Variants in RNGTT observed in about 807,000 individuals in gnomAD.
RNGTT encodes RNA guanylyltransferase and 5'-phosphatase, also known as mRNA-capping enzyme.
A neutral mutation model predicts 79.3 loss-of-function variants in RNGTT; 33 were observed. The observed-to-expected ratio is 0.42, with a 90% CI of 0.32 to 0.56. RNGTT has a LOEUF of 0.56. Ranked by LOEUF, RNGTT falls within the 20% of genes least tolerant of loss-of-function variation. The probability of loss-of-function intolerance (pLI) is 0.17; values close to 1 mark genes in which losing one functional copy is unlikely to be tolerated. For missense variants in RNGTT, 497 were observed against 739.1 expected, an observed-to-expected ratio of 0.67 and a Z score of 3.80; for synonymous variants, 222 against 235.9, an observed-to-expected ratio of 0.94 and a Z score of 0.54.
intron 4 of RNGTT, among the ~76,000 whole-genome samples, chr6:88,927,279 T>C (rs376482857): frequency 1.3e-5 from 2 of 152,110 alleles, no homozygotes; most frequent in African/African-American, 4.8e-5. Flanking sequence ...TCCCAGCACT[T>C]TGGGAGGCCG....
chr6:88,828,786 C>G (rs893178614), intron 11 of RNGTT, among the ~76,000 whole-genome samples: 10 of 151,586 alleles, frequency 6.6e-5, no homozygotes, highest in African/African-American at 2.4e-4. Context: ...GAAAGGATAT[C>G]AGAGATTGAA....
intron 12 of RNGTT, among the ~76,000 whole-genome samples, chr6:88,787,777 G>A (rs1779280540): frequency 6.6e-6 from 1 of 152,068 alleles, no homozygotes; most frequent in Non-Finnish European, 1.5e-5. Flanking sequence ...ATGACAAACT[G>A]GATTAGAGTA....
At chr6:88,801,462 T>C in intron 12 of RNGTT, 102 bp downstream of exon 12, 1 of 804,394 alleles carries the variant, frequency 1.2e-6, no homozygotes, top group Non-Finnish European at 2.0e-6. Flanking sequence ...CCCAAGTAAA[T>C]AAGTTTGAGG....
At chr6:88,650,203 C>G (rs993238143) in intron 14 of RNGTT, among the ~76,000 whole-genome samples, 5 of 152,166 alleles carry the variant, frequency 3.3e-5, no homozygotes, top group African/African-American at 4.8e-5. Flanking sequence ...GGCTATTCCT[C>G]TCTGCATATC....
At chr6:88,699,652 A>C (rs1775878460) in intron 13 of RNGTT, among the ~76,000 whole-genome samples, 1 of 152,198 alleles carries the variant, frequency 6.6e-6, no homozygotes, top group Non-Finnish European at 1.5e-5. Context: ...GCAACAGAGC[A>C]AGGCCCTGTC....
intron 11 of RNGTT, among the ~76,000 whole-genome samples, chr6:88,835,752 G>A (rs542075263): frequency 2.0e-5 from 3 of 152,016 alleles, no homozygotes; most frequent in Non-Finnish European, 2.9e-5. Context: ...GAAAAACATC[G>A]TATAAAAACA....
At chr6:88,893,233 T>C (rs966968472) in intron 6 of RNGTT, among the ~76,000 whole-genome samples, 2 of 152,234 alleles carry the variant, frequency 1.3e-5, no homozygotes, top group East Asian at 1.9e-4. Context: ...TTGTTTCTTA[T>C]GCTAATTAAA....
chr6:88,870,681 A>C (rs984181584), intron 8 of RNGTT, among the ~76,000 whole-genome samples: 5 of 152,174 alleles, frequency 3.3e-5, no homozygotes, highest in African/African-American at 1.2e-4. Flanking sequence ...ATGGCACTTT[A>C]AGGTCATTTG....
At chr6:88,772,853 C>T (rs1426119742) in intron 12 of RNGTT, among the ~76,000 whole-genome samples, 3 of 152,078 alleles carry the variant, frequency 2.0e-5, no homozygotes, top group African/African-American at 4.8e-5. Context: ...AAAATAGGAA[C>T]ACTTTTACAC....
At chr6:88,634,713 C>T (rs990990749) in intron 14 of RNGTT, among the ~76,000 whole-genome samples, 1 of 151,234 alleles carries the variant, frequency 6.6e-6, no homozygotes, top group East Asian at 1.9e-4. Flanking sequence ...AGTACTACAA[C>T]GAAAGAATCT....
intron 11 of RNGTT, among the ~76,000 whole-genome samples, chr6:88,840,151 T>G (rs1246212164): frequency 3.3e-5 from 5 of 152,216 alleles, no homozygotes; most frequent in Non-Finnish European, 5.9e-5. Flanking sequence ...GTAATATCAC[T>G]ATTTTACCAT....
At chr6:88,955,109 A>G (rs1785383045) in intron 1 of RNGTT, among the ~76,000 whole-genome samples, 1 of 152,142 alleles carries the variant, frequency 6.6e-6, no homozygotes, top group South Asian at 2.1e-4. Flanking sequence ...TGGAAATTAA[A>G]ATTTCTGCTC....
At chr6:88,718,225 A>G (rs1776587647) in intron 13 of RNGTT, among the ~76,000 whole-genome samples, 1 of 152,016 alleles carries the variant, frequency 6.6e-6, no homozygotes, top group Non-Finnish European at 1.5e-5. Context: ...CATCTCTACT[A>G]AAAACACAAA....
intron 14 of RNGTT, among the ~76,000 whole-genome samples, chr6:88,665,860 G>A (rs935905898): frequency 2.6e-5 from 4 of 152,194 alleles, no homozygotes; most frequent in Non-Finnish European, 4.4e-5. Flanking sequence ...AGGAACAGAC[G>A]CCCTGCTTCA....
intron 14 of RNGTT, among the ~76,000 whole-genome samples, chr6:88,657,429 T>C (rs1413198215): frequency 6.6e-6 from 1 of 152,086 alleles, no homozygotes; most frequent in Non-Finnish European, 1.5e-5. Flanking sequence ...GAGAGGTCCT[T>C]GGGGAAGGCA....
intron 8 of RNGTT, among the ~76,000 whole-genome samples, chr6:88,889,124 A>C (rs1297669223): frequency 6.6e-6 from 1 of 152,214 alleles, no homozygotes; most frequent in Non-Finnish European, 1.5e-5. Context: ...CTAGGTGATA[A>C]AATTTCTTTT....
At chr6:88,908,800 T>C (rs1783740901) in intron 4 of RNGTT, among the ~76,000 whole-genome samples, 1 of 152,160 alleles carries the variant, frequency 6.6e-6, no homozygotes, top group South Asian at 2.1e-4. Context: ...CATAGGACCA[T>C]AGTGTATCTG....
chr6:88,716,822 T>C (rs938440477), intron 13 of RNGTT, among the ~76,000 whole-genome samples: 1 of 151,004 alleles, frequency 6.6e-6, no homozygotes, highest in African/African-American at 2.4e-5. Context: ...TGTTGTGGGG[T>C]GGGGGGAGCA....
chr6:88,748,705 A>T (rs1777746142), intron 13 of RNGTT, among the ~76,000 whole-genome samples: 1 of 152,162 alleles, frequency 6.6e-6, no homozygotes, highest in African/African-American at 2.4e-5. Flanking sequence ...AGTAACTGCA[A>T]ATACAGAAAA....
Sources: allele counts gnomAD v4.1 joint callset (sites outside exome capture counted in the v4.1 genomes callset), GRCh38; gene constraint gnomAD v4.1.1; transcripts MANE v1.5; gene names NCBI Gene and HGNC (gene_info 2026-07-23, HGNC 2026-07-21).